ELFN1: variants seen among roughly 807,000 people sequenced by gnomAD.
The protein encoded by ELFN1 is protein ELFN1.
Under a neutral mutation model 7.6 loss-of-function variants are expected in ELFN1, and 6 were observed. The ratio of observed to expected loss-of-function variants is 0.79; its 90% CI spans 0.43 to 1.56. The LOEUF is 1.56. Among genes scored for constraint, ELFN1 ranks in the 40% most tolerant of loss-of-function variants. The probability of loss-of-function intolerance (pLI) is 0.01; values close to 1 mark genes in which losing one functional copy is unlikely to be tolerated. For missense variants in ELFN1, 1,169 were observed against 1,232.2 expected, an observed-to-expected ratio of 0.95 and a Z score of 0.77; for synonymous variants, 657 against 588.1, an observed-to-expected ratio of 1.12 and a Z score of -1.70.
intron 2 of ELFN1, among the ~76,000 whole-genome samples, chr7:1,707,737 T>TC (rs1254294922): frequency 3.9e-5 from 6 of 152,202 alleles, no homozygotes; most frequent in Admixed American, 6.5e-5. Context: ...CTGATGAGCA[T>TC]CCCCCCACTT....
At chr7:1,703,847 C>T (rs1443460215) in intron 2 of ELFN1, among the ~76,000 whole-genome samples, 2 of 152,190 alleles carry the variant, frequency 1.3e-5, no homozygotes, top group East Asian at 1.9e-4. Context: ...GTTTGAGACT[C>T]GGTTTCCCAG....
intron 1 of ELFN1, among the ~76,000 whole-genome samples, chr7:1,679,037 G>C (rs1411019891): frequency 1.3e-5 from 2 of 152,096 alleles, no homozygotes; most frequent in African/African-American, 4.8e-5. Flanking sequence ...CATCACCTCC[G>C]CTGGGCTGCG....
chr7:1,723,004 G>A (rs1462066992), intron 3 of ELFN1, among the ~76,000 whole-genome samples: 1 of 152,144 alleles, frequency 6.6e-6, no homozygotes, highest in African/African-American at 2.4e-5. Context: ...AAACCAGCCT[G>A]GCCAACATGG....
chr7:1,727,868 A>G (rs1780238594), intron 3 of ELFN1, among the ~76,000 whole-genome samples: 1 of 152,052 alleles, frequency 6.6e-6, no homozygotes, highest in East Asian at 1.9e-4. Context: ...TTGCCCTCCC[A>G]AAGCTCCAGG....
At chr7:1,689,359 G>C (rs181318210) in intron 2 of ELFN1, among the ~76,000 whole-genome samples, 2 of 152,332 alleles carry the variant, frequency 1.3e-5, no homozygotes, top group Non-Finnish European at 2.9e-5. Context: ...ATGTGTCTGA[G>C]GGCTCAGAGC....
chr7:1,667,537 G>A (rs1391075236), upstream of ELFN1, among the ~76,000 whole-genome samples: 2 of 152,112 alleles, frequency 1.3e-5, no homozygotes, highest in South Asian at 4.1e-4. The surrounding 1 kb of genome is among the most constrained non-coding windows in gnomAD (Gnocchi z 8.2). Flanking sequence ...AGGAGGGTTC[G>A]GTCTCCCCCA....
intron 2 of ELFN1, among the ~76,000 whole-genome samples, chr7:1,707,213 G>A (rs1016780685): frequency 6.6e-6 from 1 of 152,242 alleles, no homozygotes; most frequent in Admixed American, 6.5e-5. Context: ...GTTCCGTGAT[G>A]TCTGGCTGTT....
upstream of ELFN1, among the ~76,000 whole-genome samples, chr7:1,670,138 C>CGAGGGAGGGAGAGAAGGAGG (rs1778733826): frequency 1.2e-5 from 1 of 85,872 alleles, no homozygotes; most frequent in Non-Finnish European, 2.2e-5. This position sits in a 1 kb window ranked among gnomAD's most constrained non-coding sequence, Gnocchi z 6.4. Flanking sequence ...GGCGAGGGAG[C>CGAGGGAGGGAGAGAAGGAGG]GAGGGAGGGA....
rs923131587 is a variant in ELFN1, at chr7:1,747,018, A to G, written c.2422A>G (p.Lys808Glu). 6.4e-7 allele frequency: 1 copy of G among 1,562,668 alleles called. No individual in the cohort carries two copies. Among genetic ancestry groups the G allele is most frequent in the Non-Finnish European group, 8.7e-7 (1 of 1,154,420 alleles). Residue 808 changes from lysine (K) to glutamate (E), a missense_variant, in exon 4 of 4, where the codon AAA becomes GAA. Physicochemically the swap from Lys to Glu is moderately conservative, Grantham distance 56. This residue lies in a region of ELFN1 where 914 missense variants were observed against 872.6 expected (regional missense o/e 1.05). Coordinates refer to ENST00000424383, the MANE Select transcript of ELFN1 (RefSeq NM_001128636.4). ...HALRKKVQFAKDEDLHDILDY... is the reference protein window; with the variant it reads ...HALRKKVQFAEDEDLHDILDY... ...CCTGCGCAAGAAGGTTCAGTTCGCC[A>G]AAGACGAGGATCTGCACGACATCCT... is the stretch of plus-strand genomic sequence containing the variant.
chr7:1,737,152 A>C (rs1330686267), intron 3 of ELFN1, among the ~76,000 whole-genome samples: 2 of 148,850 alleles, frequency 1.3e-5, no homozygotes, highest in African/African-American at 2.5e-5. Flanking sequence ...CCTAACTCCT[A>C]CTCTTCTGCT....
intron 1 of ELFN1, among the ~76,000 whole-genome samples, chr7:1,676,107 A>G (rs891610034): frequency 6.6e-6 from 1 of 152,166 alleles, no homozygotes; most frequent in Admixed American, 6.5e-5. Flanking sequence ...CCTAGACCAG[A>G]TCCCAAGGGA....
At chr7:1,702,409 C>T (rs991005344) in intron 2 of ELFN1, among the ~76,000 whole-genome samples, 5 of 149,910 alleles carry the variant, frequency 3.3e-5, no homozygotes, top group Non-Finnish European at 5.9e-5. Context: ...GGCGACAGAA[C>T]GAGACTCCGT....
At chr7:1,733,389 G>C (rs1049178805) in intron 3 of ELFN1, among the ~76,000 whole-genome samples, 1 of 152,156 alleles carries the variant, frequency 6.6e-6, no homozygotes, top group African/African-American at 2.4e-5. Flanking sequence ...GCTGATGGGC[G>C]TGGGGACAGC....
intron 3 of ELFN1, among the ~76,000 whole-genome samples, chr7:1,741,333 G>T (rs1780607774): frequency 6.6e-6 from 1 of 152,190 alleles, no homozygotes; most frequent in South Asian, 2.1e-4. Context: ...CCAGGCTGGG[G>T]GTGGGGGGAG....
chr7:1,672,255 C>T (rs762968074), intron 1 of ELFN1, among the ~76,000 whole-genome samples: 2 of 152,106 alleles, frequency 1.3e-5, no homozygotes, highest in East Asian at 1.9e-4. Context: ...GGGAGGGCGG[C>T]GTCCCTTCCC....
intron 1 of ELFN1, among the ~76,000 whole-genome samples, chr7:1,675,792 C>T (rs1484855146): frequency 1.3e-5 from 2 of 152,204 alleles, no homozygotes; most frequent in African/African-American, 2.4e-5. Context: ...CCCGCGCTGT[C>T]GAGACACAGC....
At chr7:1,704,626 A>G (rs539644859) in intron 2 of ELFN1, among the ~76,000 whole-genome samples, 100 of 152,182 alleles carry the variant, frequency 6.6e-4, no homozygotes, top group Middle Eastern at 3.4e-3. Context: ...GACCTGGGGT[A>G]CGCAGTCAGA....
At chr7:1,702,513 A>G (rs893603387) in intron 2 of ELFN1, among the ~76,000 whole-genome samples, 2 of 150,378 alleles carry the variant, frequency 1.3e-5, no homozygotes, top group Admixed American at 1.3e-4. Context: ...TTCCATATAC[A>G]TTTTAGAATT....
intron 3 of ELFN1, among the ~76,000 whole-genome samples, chr7:1,710,296 C>G (rs1232317284): frequency 6.6e-6 from 1 of 152,196 alleles, no homozygotes. Flanking sequence ...CTGTCTAGAA[C>G]CTCCCAAGGC....
Sources: allele counts gnomAD v4.1 joint callset (sites outside exome capture counted in the v4.1 genomes callset), GRCh38; gene constraint gnomAD v4.1.1; regional missense constraint gnomAD v4.1.1; non-coding constraint Gnocchi (gnomAD v3.1); transcripts MANE v1.5; gene names NCBI Gene and HGNC (gene_info 2026-07-23, HGNC 2026-07-21).